The following KLHL11 variants were observed in gnomAD, a reference collection of about 807,000 sequenced individuals.
The protein encoded by KLHL11 is kelch-like protein 11.
KLHL11 carries 26 observed loss-of-function variants against 56.1 expected under a neutral mutation model. That is an observed-to-expected ratio of 0.46 (90% CI 0.34 to 0.64). The LOEUF (loss-of-function observed/expected upper bound fraction) is 0.64, where lower values mean the gene tolerates loss of function less well. Among genes scored for constraint, KLHL11 ranks in the 30% least tolerant of loss-of-function variants. The pLI is 0.01. For missense variants in KLHL11, 627 were observed against 919.4 expected, an observed-to-expected ratio of 0.68 and a Z score of 4.11; for synonymous variants, 338 against 345.8, an observed-to-expected ratio of 0.98 and a Z score of 0.25.
At position 41,865,363 on chromosome 17, in the gene KLHL11, G is replaced by C; in HGVS notation, c.8C>G (p.Ala3Gly). 1 of 1,436,376 alleles carries C rather than the reference G, an allele frequency of 7.0e-7. No homozygotes were observed. Among genetic ancestry groups the C allele is most frequent in the South Asian group, 1.5e-5 (1 of 68,908 alleles). The allele number at this position is 1,436,376 out of a possible 1,614,324, so 89.0% of individuals were successfully genotyped here. A position where few individuals can be genotyped will look rare whatever the true frequency, so the allele number is the denominator to read the frequency against. MA[A>G]AAVAAAAAAA... ...CGCCGCCGCCGCCGCCACTGCCGCA[G>C]CCGCCATCTTGACGCCGCTGCGCCC... The change falls in exon 1 of 2, where the codon GCT (alanine) becomes GGT (glycine). Residue 3 changes from alanine to glycine, a missense_variant. Around this residue, in one of 4 missense-constraint regions of KLHL11, gnomAD observed 121 missense variants for 116.2 expected, o/e 1.04. Transcript: ENST00000319121.
chr17:41,849,825 T>C lies in KLHL11; in HGVS notation c.*3915A>G, dbSNP rs1205587740. 6.6e-6 allele frequency: 1 copy of C among 152,150 alleles called. No individual in the cohort carries two copies. The highest frequency in any genetic ancestry group is 2.4e-5 in the African/African-American group (1 of 41,428). The allele number at this position is 152,150 out of a possible 1,614,324, so 9.4% of individuals were successfully genotyped here. A position where few individuals can be genotyped will look rare whatever the true frequency, so the allele number is the denominator to read the frequency against. ...TACCACTGATTTTTTTAAGCCATGGTGGGGTAGATATAGTTCAAGGATACC... is the reference window on the plus strand; with the variant it reads ...TACCACTGATTTTTTTAAGCCATGGCGGGGTAGATATAGTTCAAGGATACC... On this transcript the variant is annotated 3_prime_UTR_variant, in exon 2 of 2. Coordinates refer to ENST00000319121, the MANE Select transcript of KLHL11 (RefSeq NM_018143.3).
chr17:41,865,396 A>T lies in KLHL11; in HGVS notation c.-26T>A, dbSNP rs1172429286. The stretch of plus-strand genomic sequence containing the variant: ...CTTGACGCCGCTGCGCCCGGCCTCC[A>T]CAGCCTCGGAACGATGCGGCTGTTG... On this transcript the variant is annotated 5_prime_UTR_variant, in exon 1 of 2. Transcript: ENST00000319121. 7.6e-7 allele frequency: 1 copy of T among 1,316,094 alleles called. No homozygotes were observed. Among genetic ancestry groups the T allele is most frequent in the African/African-American group, 1.6e-5 (1 of 63,660 alleles). 81.5% of individuals were successfully genotyped at this position (1,316,094 alleles called of 1,614,324 possible).
chr17:41,859,884 G>A (rs782390494), intron 1 of KLHL11, among the ~76,000 whole-genome samples: 1 of 152,158 alleles, frequency 6.6e-6, no homozygotes, highest in Non-Finnish European at 1.5e-5. Context: ...CAATCAGCCT[G>A]AGGATAGCCA....
At position 41,854,267 on chromosome 17, in the gene KLHL11, A is replaced by G; in HGVS notation, c.1600T>C (p.Trp534Arg). Residue 534 changes from tryptophan (W) to arginine (R), a missense_variant, in exon 2 of 2, where the codon TGG becomes CGG. Coordinates refer to ENST00000319121, the MANE Select transcript of KLHL11 (RefSeq NM_018143.3). This position sits in a 1 kb window ranked among gnomAD's most constrained non-coding sequence, Gnocchi z 4.9. ...AGCGGCAAAGATTCCACATCTTGCC[A>G]CTGTCGAGTCTCTGTATCATAGCAA... ...ITCYDTETRQ[W>R]QDVESLPLID... 6.2e-7 allele frequency: 1 copy of G among 1,614,258 alleles called. No individual in the cohort carries two copies. Among genetic ancestry groups the G allele is most frequent in the Non-Finnish European group, 8.5e-7 (1 of 1,180,034 alleles).
intron 1 of KLHL11, among the ~76,000 whole-genome samples, chr17:41,862,092 C>CTT (rs782259380): frequency 4.8e-5 from 7 of 145,914 alleles, no homozygotes; most frequent in Non-Finnish European, 1.1e-4. Context: ...CTTTAAGATT[C>CTT]TTTTTTTTTT....
chr17:41,852,976 C>G lies in KLHL11; in HGVS notation c.*764G>C, dbSNP rs782801526. On this transcript the variant is annotated 3_prime_UTR_variant, in exon 2 of 2. Transcript: ENST00000319121. ...AATGCCTTTGATTTCCCAGTCTACA[C>G]TAATACTTTTCTTCTTAGAGAAACA... is the stretch of plus-strand genomic sequence containing the variant. Among the ~76,000 whole-genome samples, 3 of 152,142 alleles carry G rather than the reference C, an allele frequency of 2.0e-5. No individual in the cohort carries two copies. The highest frequency in any genetic ancestry group is 2.0e-4 in the Admixed American group (3 of 15,270).
intron 1 of KLHL11, among the ~76,000 whole-genome samples, chr17:41,855,819 G>A (rs1210246390): frequency 2.7e-5 from 4 of 149,554 alleles, no homozygotes; most frequent in South Asian, 2.1e-4. Flanking sequence ...TTACAGGCGT[G>A]TGCCACCACA....
At chr17:41,857,619 C>T (rs2144157618) in intron 1 of KLHL11, among the ~76,000 whole-genome samples, 1 of 151,288 alleles carries the variant, frequency 6.6e-6, no homozygotes, top group East Asian at 1.9e-4. Flanking sequence ...TACATATATA[C>T]ACACATATAC....
At chr17:41,862,753 C>T (rs782232402) in intron 1 of KLHL11, among the ~76,000 whole-genome samples, 24 of 152,096 alleles carry the variant, frequency 1.6e-4, no homozygotes, top group Non-Finnish European at 2.6e-4. Context: ...ACTCTCTCCC[C>T]GCTGCCCCTT....
In KLHL11 at chr17:41,852,794, A is replaced by G. The variant is rs904553910; in HGVS notation, c.*946T>C. Among the ~76,000 whole-genome samples the G allele has an allele frequency of 9.2e-5, 14 of 152,126 alleles. No homozygotes were observed. Among genetic ancestry groups the G allele is most frequent in the East Asian group, 5.8e-4 (3 of 5,176 alleles). On this transcript the variant is annotated 3_prime_UTR_variant, in exon 2 of 2. Transcript: ENST00000319121. ...CAACATGAGCAAAAAAAAAAAAAAAAAGAGAAAAGGAATAATGAAGATTCT... is the reference window on the plus strand; with the variant it reads ...CAACATGAGCAAAAAAAAAAAAAAAGAGAGAAAAGGAATAATGAAGATTCT...
At position 41,855,340 on chromosome 17, in the gene KLHL11, G is replaced by A. The variant is rs782086329; in HGVS notation, c.546-19C>T. The A allele has an allele frequency of 6.7e-7, 1 of 1,501,310 alleles. No individual in the cohort carries two copies. Among genetic ancestry groups the A allele is most frequent in the Non-Finnish European group, 9.0e-7 (1 of 1,113,782 alleles). The allele number at this position is 1,501,310 out of a possible 1,614,324, so 93.0% of individuals were successfully genotyped here. ...TAGGAACCTAAAATCAAGAAAAAGA[G>A]AAAAGATTAATTTTTCAAATGTGCA... is the stretch of plus-strand genomic sequence containing the variant. On this transcript the variant is annotated intron_variant, in intron 1 of 1. Coordinates refer to ENST00000319121, the MANE Select transcript of KLHL11 (RefSeq NM_018143.3).
At chr17:41,864,636 C>T (rs538934518) in intron 1 of KLHL11, among the ~76,000 whole-genome samples, 190 bp downstream of exon 1, 1 of 152,374 alleles carries the variant, frequency 6.6e-6, no homozygotes, top group South Asian at 2.1e-4. Context: ...GCGCCCTCGC[C>T]GGACCTGATG....
intron 1 of KLHL11, among the ~76,000 whole-genome samples, chr17:41,858,781 G>C (rs781940098): frequency 1.3e-5 from 2 of 151,246 alleles, no homozygotes; most frequent in Admixed American, 1.3e-4. Flanking sequence ...ACAAGGTTTT[G>C]CCATGTTGGC....
chr17:41,862,917 G>C (rs2048413582), intron 1 of KLHL11, among the ~76,000 whole-genome samples: 1 of 152,106 alleles, frequency 6.6e-6, no homozygotes, highest in African/African-American at 2.4e-5. Flanking sequence ...CTCCCAAACA[G>C]GCTCTTCTGC....
At chr17:41,858,046 G>A (rs1555622708) in intron 1 of KLHL11, among the ~76,000 whole-genome samples, 2 of 151,972 alleles carry the variant, frequency 1.3e-5, no homozygotes, top group African/African-American at 4.8e-5. Flanking sequence ...TCAAACTCCT[G>A]ACCTCAGGTG....
rs1157069025 is a variant in KLHL11, at chr17:41,854,849, T to G, written c.1018A>C (p.Thr340Pro). Residue 340 changes from threonine to proline, a missense_variant, in exon 2 of 2, where the codon ACA (threonine) becomes CCA (proline). Thr to Pro is a conservative substitution (Grantham distance 38). Transcript: ENST00000319121. This position sits in a 1 kb window ranked among gnomAD's most constrained non-coding sequence, Gnocchi z 4.9. ...ALRAENIQSG[T>P]CQHPTSHVSL... ...ACATGAGAAGTGGGGTGCTGGCATGTGCCAGATTGTATATTCTCAGCTCTC... is the reference window on the plus strand; with the variant it reads ...ACATGAGAAGTGGGGTGCTGGCATGGGCCAGATTGTATATTCTCAGCTCTC... The G allele has an allele frequency of 6.2e-7, 1 of 1,614,108 alleles. No homozygotes were observed. The highest frequency in any genetic ancestry group is 8.5e-7 in the Non-Finnish European group (1 of 1,180,050).
At position 41,853,729 on chromosome 17, in the gene KLHL11, C is replaced by A. The variant is rs1555622193; in HGVS notation, c.*11G>T. 1 of 1,598,018 alleles carries A rather than the reference C, an allele frequency of 6.3e-7. No homozygotes were observed. Among genetic ancestry groups the A allele is most frequent in the South Asian group, 1.1e-5 (1 of 89,496 alleles). On this transcript the variant is annotated 3_prime_UTR_variant, in exon 2 of 2. Transcript: ENST00000319121. ...GGGTGTAACAGTTTTAATCGGCACGCTTGAGAGAACCTAGCATTCAATCTG... is the reference window on the plus strand; with the variant it reads ...GGGTGTAACAGTTTTAATCGGCACGATTGAGAGAACCTAGCATTCAATCTG...
At chr17:41,857,755 T>C (rs1382890213) in intron 1 of KLHL11, among the ~76,000 whole-genome samples, 2 of 152,092 alleles carry the variant, frequency 1.3e-5, no homozygotes, top group Non-Finnish European at 2.9e-5. Context: ...GCAATCCTTC[T>C]GCCTCAGCTT....
Position 41,865,358 on chromosome 17 carries a change from C to T in KLHL11, c.13G>A (p.Ala5Thr), listed in dbSNP as rs782359512. The change falls in exon 1 of 2, where the codon GCA (alanine) becomes ACA (threonine). Residue 5 changes from alanine (A) to threonine (T), a missense_variant. Transcript: ENST00000319121. MAAAAVAAAAAAAAA... is the reference protein window; with the variant it reads MAAATVAAAAAAAAA... Reference sequence around the variant, plus strand: ...GCCGCCGCCGCCGCCGCCGCCACTGCCGCAGCCGCCATCTTGACGCCGCTG... The same window carrying T: ...GCCGCCGCCGCCGCCGCCGCCACTGTCGCAGCCGCCATCTTGACGCCGCTG... 161 of 1,440,440 alleles carry T rather than the reference C, an allele frequency of 1.1e-4. No homozygotes were observed. The highest frequency in any genetic ancestry group is 1.4e-4 in the Non-Finnish European group (154 of 1,109,320). 89.2% of individuals were successfully genotyped at this position (1,440,440 alleles called of 1,614,324 possible).
Sources: allele counts gnomAD v4.1 joint callset (sites outside exome capture counted in the v4.1 genomes callset), GRCh38; gene constraint gnomAD v4.1.1; regional missense constraint gnomAD v4.1.1; non-coding constraint Gnocchi (gnomAD v3.1); transcripts MANE v1.5; gene names NCBI Gene and HGNC (gene_info 2026-07-23, HGNC 2026-07-21).